CCDC136: variants seen among roughly 807,000 people sequenced by gnomAD.
CCDC136 encodes the protein coiled-coil domain containing 136, also known as coiled-coil domain-containing protein 136.
A neutral mutation model predicts 141.2 loss-of-function variants in CCDC136; 100 were observed. The ratio of observed to expected loss-of-function variants is 0.71; its 90% CI spans 0.60 to 0.84. The LOEUF is 0.84. Ranked by LOEUF, CCDC136 falls within the 40% of genes least tolerant of loss-of-function variation. CCDC136 has a pLI of 0.00. For missense variants in CCDC136, 1,206 were observed against 1,379.4 expected, an observed-to-expected ratio of 0.87 and a Z score of 1.99; for synonymous variants, 474 against 531.9, an observed-to-expected ratio of 0.89 and a Z score of 1.50.
intron 3 of CCDC136, among the ~76,000 whole-genome samples, chr7:128,795,156 G>T (rs551263055): frequency 1.3e-5 from 2 of 152,168 alleles, no homozygotes; most frequent in African/African-American, 2.4e-5. Context: ...CCTTTTTCTG[G>T]TTCCTCCAAG....
At chr7:128,797,578 T>A (rs1232412705) in intron 3 of CCDC136, among the ~76,000 whole-genome samples, 1 of 152,200 alleles carries the variant, frequency 6.6e-6, no homozygotes, top group Non-Finnish European at 1.5e-5. Flanking sequence ...CTAAGTCAAG[T>A]GAGATGGTCT....
rs551129253 is a variant in CCDC136 at position 128,794,061 on chromosome 7, T to C, written c.17-287T>C. On this transcript the variant is annotated intron_variant, in intron 1 of 17. Coordinates refer to ENST00000297788, the MANE Select transcript of CCDC136 (RefSeq NM_022742.5). The surrounding 1 kb of genome is among the most constrained non-coding windows in gnomAD (Gnocchi z 4.3). ...GAAGAAGCAGGTAATCCTGTGCAAG[T>C]GTCTCATGGCTGAGCGGGCACCAGC... is the stretch of plus-strand genomic sequence containing the variant. 8.5e-4 allele frequency among the ~76,000 whole-genome samples: 130 copies of C among 152,326 alleles called. 1 individual carries two copies. The highest frequency in any genetic ancestry group is 3.0e-3 in the African/African-American group (126 of 41,588).
At chr7:128,799,869 G>C (rs1226499299) in intron 3 of CCDC136, among the ~76,000 whole-genome samples, 1 of 152,058 alleles carries the variant, frequency 6.6e-6, no homozygotes, top group Non-Finnish European at 1.5e-5. Flanking sequence ...TTTTCGTTCT[G>C]ATCCCAGATG....
chr7:128,805,563 G>A lies in CCDC136; in HGVS notation c.948+39G>A, dbSNP rs886853419. On this transcript the variant is annotated intron_variant, in intron 6 of 17. Coordinates refer to ENST00000297788, the MANE Select transcript of CCDC136 (RefSeq NM_022742.5). This position sits in a 1 kb window ranked among gnomAD's most constrained non-coding sequence, Gnocchi z 4.6. ...GGTGGGGAAGGCAGGCACATTTCTT[G>A]TCTTTCTTTCACCTTCTCCCAGCCT... The A allele has an allele frequency of 1.3e-6, 2 of 1,571,490 alleles. No individual in the cohort carries two copies. Among genetic ancestry groups the A allele is most frequent in the Non-Finnish European group, 1.7e-6 (2 of 1,157,322 alleles).
chr7:128,810,810 C>T (rs903464254), intron 12 of CCDC136, among the ~76,000 whole-genome samples: 5 of 152,168 alleles, frequency 3.3e-5, no homozygotes, highest in Non-Finnish European at 5.9e-5. Flanking sequence ...CTTTGGTGTT[C>T]TCTATGAGGC....
In CCDC136 at chr7:128,812,332, A is replaced by T. The variant is rs1423750224; in HGVS notation, c.2541+20A>T. 2 of 1,603,294 alleles carry T rather than the reference A, an allele frequency of 1.2e-6. No individual in the cohort carries two copies. Among genetic ancestry groups the T allele is most frequent in the East Asian group, 4.5e-5 (2 of 44,670 alleles). On this transcript the variant is annotated intron_variant, in intron 13 of 17. Coordinates refer to ENST00000297788, the MANE Select transcript of CCDC136 (RefSeq NM_022742.5). Reference sequence around the variant, plus strand: ...ATGGAGGTAATGGTTGCCAGGTGACAGGTCAGGCAGGGGACGATGGACTCT... The same window carrying T: ...ATGGAGGTAATGGTTGCCAGGTGACTGGTCAGGCAGGGGACGATGGACTCT...
upstream of CCDC136, chr7:128,791,554 C>A: frequency 7.9e-7 from 1 of 1,262,540 alleles, no homozygotes; most frequent in Non-Finnish European, 1.0e-6. This position sits in a 1 kb window ranked among gnomAD's most constrained non-coding sequence, Gnocchi z 7.1. Flanking sequence ...GGGCCCAGGT[C>A]AGAGCCGCCC....
In CCDC136 at chr7:128,805,818, G is replaced by A. The variant is rs757469886; in HGVS notation, c.1006G>A (p.Glu336Lys). ...ELQHHRQVSE[E>K]EQRRLQRELK... ...ACAGCATCATCGCCAGGTCAGTGAG[G>A]AGGAGCAGAGGCGGCTGCAGAGGGA... is the stretch of plus-strand genomic sequence containing the variant. Residue 336 changes from glutamate (E) to lysine (K), a missense_variant, in exon 7 of 18, where the codon GAG becomes AAG. Transcript: ENST00000297788. This position sits in a 1 kb window ranked among gnomAD's most constrained non-coding sequence, Gnocchi z 4.6. 1.2e-6 allele frequency: 2 copies of A among 1,613,930 alleles called. No homozygotes were observed. Among genetic ancestry groups the A allele is most frequent in the Non-Finnish European group, 1.7e-6 (2 of 1,179,866 alleles).
Position 128,812,782 on chromosome 7 carries a change from G to A in CCDC136, c.2616G>A (p.Glu872=). 5.0e-6 allele frequency: 8 copies of A among 1,613,596 alleles called. No individual in the cohort carries two copies. Among genetic ancestry groups the A allele is most frequent in the Non-Finnish European group, 6.8e-6 (8 of 1,179,828 alleles). ...AVQAMYQISQ[E]EHSQLQEQME... is the part of the protein sequence containing the mutation. The stretch of plus-strand genomic sequence containing the variant: ...AGGCCATGTACCAGATAAGCCAGGA[G>A]GAACACAGCCAGCTGCAAGAGCAGA... The change falls in exon 14 of 18, where the codon GAG becomes GAA. Residue 872 remains glutamate, a synonymous_variant. Coordinates refer to ENST00000297788, the MANE Select transcript of CCDC136 (RefSeq NM_022742.5).
chr7:128,791,536 A>T (rs1286430834), upstream of CCDC136: 5 of 1,288,040 alleles, frequency 3.9e-6, no homozygotes, highest in Non-Finnish European at 4.9e-6. The surrounding 1 kb of genome is among the most constrained non-coding windows in gnomAD (Gnocchi z 7.1). Context: ...CGCGGGCTGG[A>T]GCTGCCCGGG....
Position 128,794,501 on chromosome 7 carries a change from A to AGCTGGAGGAGCTGCGGGCTCAGGT in CCDC136, c.175_198dup (p.Glu59_Leu66dup). 1.3e-6 allele frequency: 2 copies of AGCTGGAGGAGCTGCGGGCTCAGGT among 1,552,450 alleles called. No homozygotes were observed. Among genetic ancestry groups the AGCTGGAGGAGCTGCGGGCTCAGGT allele is most frequent in the Non-Finnish European group, 1.7e-6 (2 of 1,147,364 alleles). ...CGGGGACTGAGCCTCACGGAGACAGAGCTGGAGGAGCTGCGGGCTCAGGTG... is the reference window on the plus strand; with the variant it reads ...CGGGGACTGAGCCTCACGGAGACAGAGCTGGAGGAGCTGCGGGCTCAGGTGCTGGAGGAGCTGCGGGCTCAGGTG... On this transcript the variant is annotated inframe_insertion, in exon 2 of 18. Coordinates refer to ENST00000297788, the MANE Select transcript of CCDC136 (RefSeq NM_022742.5). This position sits in a 1 kb window ranked among gnomAD's most constrained non-coding sequence, Gnocchi z 4.3.
chr7:128,813,597 C>A (rs1413052338), intron 14 of CCDC136, among the ~76,000 whole-genome samples: 1 of 152,140 alleles, frequency 6.6e-6, no homozygotes, highest in Admixed American at 6.5e-5. Context: ...GGTGCAGGAG[C>A]CCAGTACACA....
chr7:128,809,430 A>ACCCC lies in CCDC136; in HGVS notation c.1606-19_1606-18insCCCC. ...ACCTTACAGAGTAACCACCCCCTCC[A>ACCCC]CACCCGCCCCCACCCACAGTGTGAC... On this transcript the variant is annotated intron_variant, in intron 10 of 17. Coordinates refer to ENST00000297788, the MANE Select transcript of CCDC136 (RefSeq NM_022742.5). The ACCCC allele has an allele frequency of 2.5e-6, 3 of 1,189,914 alleles. No individual in the cohort carries two copies. The highest frequency in any genetic ancestry group is 2.9e-5 in the East Asian group (1 of 33,996). 73.7% of individuals were successfully genotyped at this position (1,189,914 alleles called of 1,614,324 possible).
chr7:128,794,713 G>C lies in CCDC136; in HGVS notation c.291G>C (p.Arg97=), dbSNP rs1246440257. Residue 97 remains arginine, a synonymous_variant, in exon 3 of 18, where the codon CGG becomes CGC. Coordinates refer to ENST00000297788, the MANE Select transcript of CCDC136 (RefSeq NM_022742.5). This position sits in a 1 kb window ranked among gnomAD's most constrained non-coding sequence, Gnocchi z 4.3. ...CTGCAGGGCTCCTGGAGGATGAACG[G>C]CTAGCCAGCGCCCAGCAGGCAGAGG... The part of the protein sequence containing the change: ...LELQGLLEDE[R]LASAQQAEVF... 2 of 1,551,688 alleles carry C rather than the reference G, an allele frequency of 1.3e-6. No individual in the cohort carries two copies. The highest frequency in any genetic ancestry group is 1.7e-6 in the Non-Finnish European group (2 of 1,146,986).
chr7:128,808,056 A>G (rs1805139119), intron 10 of CCDC136, among the ~76,000 whole-genome samples: 1 of 152,190 alleles, frequency 6.6e-6, no homozygotes, highest in Non-Finnish European at 1.5e-5. Flanking sequence ...TTTTTATGAA[A>G]TGGAGTCTCA....
rs150793186 is a variant in CCDC136 at position 128,817,206 on chromosome 7, G to T, written c.3364-552G>T. ...TGTGTATTACCACCTTGCAAAATCG[G>T]TTTCTCTCTGGAAGATTGTTGCAGT... On this transcript the variant is annotated intron_variant, in intron 16 of 17. Coordinates refer to ENST00000297788, the MANE Select transcript of CCDC136 (RefSeq NM_022742.5). The surrounding 1 kb of genome is among the most constrained non-coding windows in gnomAD (Gnocchi z 4.6). Among the ~76,000 whole-genome samples, 80 of 152,284 alleles carry T rather than the reference G, an allele frequency of 5.3e-4. No individual in the cohort carries two copies. Among genetic ancestry groups the T allele is most frequent in the African/African-American group, 1.9e-3 (77 of 41,540 alleles).
chr7:128,811,326 T>A (rs912072299), intron 12 of CCDC136: 2 of 451,604 alleles, frequency 4.4e-6, no homozygotes, highest in Non-Finnish European at 8.9e-6. Context: ...AGATTCAGAA[T>A]TGGGGCAGGA....
chr7:128,795,327 A>G (rs1211792461), intron 3 of CCDC136, among the ~76,000 whole-genome samples: 1 of 152,232 alleles, frequency 6.6e-6, no homozygotes, highest in East Asian at 1.9e-4. Flanking sequence ...GTCTCTGGGA[A>G]GCAGCAAGGC....
At chr7:128,808,254 C>T (rs1363736426) in intron 10 of CCDC136, among the ~76,000 whole-genome samples, 2 of 152,158 alleles carry the variant, frequency 1.3e-5, no homozygotes. Context: ...TCAGGCTGGT[C>T]TCGAACTCCT....
Sources: gnomAD v4.1 joint callset for allele counts (sites outside exome capture counted in the v4.1 genomes callset) on GRCh38, gnomAD v4.1.1 for gene constraint, Gnocchi (gnomAD v3.1) non-coding constraint, MANE v1.5 for transcripts, NCBI Gene and HGNC (gene_info 2026-07-23, HGNC 2026-07-21) for gene names.